Variants in PGM2L1 observed in about 807,000 individuals in gnomAD.
The protein encoded by PGM2L1 is phosphoglucomutase 2 like 1.
PGM2L1 carries 35 observed loss-of-function variants against 73.4 expected under a neutral mutation model. The ratio of observed to expected loss-of-function variants is 0.48; its 90% CI spans 0.36 to 0.63. The LOEUF (loss-of-function observed/expected upper bound fraction) is 0.63. Among genes scored for constraint, PGM2L1 ranks in the 30% least tolerant of loss-of-function variants. The pLI is 0.00. For missense variants in PGM2L1, 570 were observed against 742.0 expected (o/e 0.77, Z 2.69); for synonymous variants, 225 against 253.8 (o/e 0.89, Z 1.08).
At position 74,343,420 on chromosome 11, in the gene PGM2L1, A is replaced by T. The variant is rs1371212110; in HGVS notation, c.1219-4T>A. The T allele has an allele frequency of 1.2e-6, 2 of 1,603,754 alleles. No homozygotes were observed. Among genetic ancestry groups the T allele is most frequent in the African/African-American group, 2.7e-5 (2 of 74,286 alleles). On this transcript the variant is annotated splice_region_variant and splice_polypyrimidine_tract_variant and intron_variant, in intron 9 of 13. Coordinates refer to ENST00000298198, the MANE Select transcript of PGM2L1 (RefSeq NM_173582.6). ...ATTTAAAACCTGGTAATGTTTCCTG[A>T]AATGCAGAGGAGGCCACTCTAGTTA...
intron 12 of PGM2L1, among the ~76,000 whole-genome samples, chr11:74,338,922 T>C (rs191364686): frequency 2.0e-5 from 3 of 152,266 alleles, no homozygotes; most frequent in East Asian, 1.9e-4. Context: ...TTAACCACAA[T>C]TGAAAATTTA....
intron 1 of PGM2L1, among the ~76,000 whole-genome samples, chr11:74,387,275 A>G (rs1392465982): frequency 6.6e-6 from 1 of 152,190 alleles, no homozygotes; most frequent in Non-Finnish European, 1.5e-5. Context: ...TCAGATCCCA[A>G]AGGGCAAAGG....
chr11:74,349,549 C>G (rs1038443324), intron 6 of PGM2L1, among the ~76,000 whole-genome samples: 1 of 152,126 alleles, frequency 6.6e-6, no homozygotes, highest in East Asian at 1.9e-4. Context: ...TTTTCTGCCC[C>G]ACTCCTTGAT....
At chr11:74,372,465 T>C (rs559408112) in intron 2 of PGM2L1, among the ~76,000 whole-genome samples, 1 of 152,316 alleles carries the variant, frequency 6.6e-6, no homozygotes, top group African/African-American at 2.4e-5. Context: ...TAAAACCATT[T>C]AACTATCTCA....
At chr11:74,352,369 C>T (rs926186895) in intron 5 of PGM2L1, among the ~76,000 whole-genome samples, 1 of 152,064 alleles carries the variant, frequency 6.6e-6, no homozygotes, top group Non-Finnish European at 1.5e-5. Flanking sequence ...TTATATCATA[C>T]CAAATATAGT....
Position 74,371,936 on chromosome 11 carries a change from C to A in PGM2L1, c.280-119G>T, listed in dbSNP as rs1334652776. ...CTGGCTGCTAGGGAAGTGGCTTCTGCCTTTATGCCCATGTTTACCAGTGTG... is the reference window on the plus strand; with the variant it reads ...CTGGCTGCTAGGGAAGTGGCTTCTGACTTTATGCCCATGTTTACCAGTGTG... On this transcript the variant is annotated intron_variant, in intron 2 of 13. Transcript: ENST00000298198. 4 of 772,890 alleles carry A rather than the reference C, an allele frequency of 5.2e-6. No homozygotes were observed. In the African/African-American group the frequency reaches 6.8e-5, roughly 13 times the overall value. 47.9% of individuals were successfully genotyped at this position (772,890 alleles called of 1,614,324 possible).
intron 5 of PGM2L1, among the ~76,000 whole-genome samples, chr11:74,367,241 G>A (rs999011447): frequency 1.3e-5 from 2 of 152,092 alleles, no homozygotes; most frequent in South Asian, 2.1e-4. Context: ...CTAATTTTGA[G>A]GTGTCTGTTA....
intron 5 of PGM2L1, 99 bp downstream of exon 5, chr11:74,368,393 T>TAGAG: frequency 9.8e-7 from 1 of 1,020,304 alleles, no homozygotes; most frequent in South Asian, 1.5e-5. Flanking sequence ...TCCCAATGTC[T>TAGAG]AGCTCTGCTC....
chr11:74,386,421 T>G (rs658976), intron 1 of PGM2L1, among the ~76,000 whole-genome samples: 111,341 of 151,538 alleles, frequency 0.73, 41,861 homozygotes, highest in Non-Finnish European at 0.83. Context: ...ATTGGTAGAA[T>G]AATACATTGG....
At chr11:74,394,801 T>A (rs1863149739) in intron 1 of PGM2L1, among the ~76,000 whole-genome samples, 1 of 152,200 alleles carries the variant, frequency 6.6e-6, no homozygotes, top group Non-Finnish European at 1.5e-5. Flanking sequence ...AGACTAAGAT[T>A]AGTAATTTTA....
At chr11:74,374,317 C>T (rs1212573115) in intron 2 of PGM2L1, 98 bp downstream of exon 2, 4 of 1,024,928 alleles carry the variant, frequency 3.9e-6, no homozygotes, top group Non-Finnish European at 5.5e-6. Context: ...CTCTGGACCT[C>T]GTGATCTGCC....
In PGM2L1 at chr11:74,371,804, T is replaced by C; in HGVS notation, c.293A>G (p.Tyr98Cys). The change falls in exon 3 of 14, where the codon TAC becomes TGC. Residue 98 changes from tyrosine to cysteine, a missense_variant. Coordinates refer to ENST00000298198, the MANE Select transcript of PGM2L1 (RefSeq NM_173582.6). The stretch of plus-strand genomic sequence containing the variant: ...GAAGTCTGAGAAACATCTCTCAAGG[T>C]ATTTGTACATCCCCTGAAGCAAATA... ...VIQSTQGMYK[Y>C]LERCFSDFKQ... 1 of 1,613,250 alleles carries C rather than the reference T, an allele frequency of 6.2e-7. No homozygotes were observed. The highest frequency in any genetic ancestry group is 1.1e-5 in the South Asian group (1 of 91,072).
At chr11:74,390,692 G>C (rs111656039) in intron 1 of PGM2L1, among the ~76,000 whole-genome samples, 1 of 152,184 alleles carries the variant, frequency 6.6e-6, no homozygotes, top group African/African-American at 2.4e-5. Flanking sequence ...AAGAGTAGAT[G>C]CAATTTCCAC....
intron 5 of PGM2L1, chr11:74,355,764 CAG>C (rs1862442351): frequency 2.1e-6 from 1 of 471,040 alleles, no homozygotes; most frequent in Non-Finnish European, 4.2e-6. Context: ...AGAGGAGAGC[CAG>C]AGAAGTGACA....
At chr11:74,396,362 T>G (rs1201032882) in intron 1 of PGM2L1, among the ~76,000 whole-genome samples, 2 of 152,154 alleles carry the variant, frequency 1.3e-5, no homozygotes, top group East Asian at 3.9e-4. Flanking sequence ...ACTCCAAGTG[T>G]GGTCCACAGA....
At chr11:74,364,914 C>A (rs984104210) in intron 5 of PGM2L1, among the ~76,000 whole-genome samples, 4 of 152,158 alleles carry the variant, frequency 2.6e-5, no homozygotes, top group African/African-American at 9.7e-5. Flanking sequence ...CAAGTCAATC[C>A]TAAGCCAAAA....
At chr11:74,362,630 T>A (rs893610012) in intron 5 of PGM2L1, among the ~76,000 whole-genome samples, 9 of 152,294 alleles carry the variant, frequency 5.9e-5, no homozygotes, top group Middle Eastern at 3.4e-3. Context: ...CCCATCAGTG[T>A]GCTGTATTCA....
At chr11:74,370,790 C>A in intron 4 of PGM2L1, 112 bp downstream of exon 4, 1 of 792,404 alleles carries the variant, frequency 1.3e-6, no homozygotes, top group South Asian at 3.0e-5. Context: ...CCATTGGTCC[C>A]TTATATTACT....
In PGM2L1 at chr11:74,348,303, C is replaced by G. The variant is rs958339583; in HGVS notation, c.750-966G>C. Among the ~76,000 whole-genome samples, 8 of 152,030 alleles carry G rather than the reference C, an allele frequency of 5.3e-5. No individual in the cohort carries two copies. In the East Asian group the frequency reaches 1.5e-3, roughly 29 times the overall value. ...TAACCTACCATTTACTAACTATTCCCCATAAAAAATACAATTTATTATAAG... is the reference window on the plus strand; with the variant it reads ...TAACCTACCATTTACTAACTATTCCGCATAAAAAATACAATTTATTATAAG... On this transcript the variant is annotated intron_variant, in intron 6 of 13. Transcript: ENST00000298198.
Sources: gnomAD v4.1 joint callset for allele counts (sites outside exome capture counted in the v4.1 genomes callset) on GRCh38, gnomAD v4.1.1 for gene constraint, MANE v1.5 for transcripts, NCBI Gene and HGNC (gene_info 2026-07-23, HGNC 2026-07-21) for gene names.